MTUS2: variants seen among roughly 807,000 people sequenced by gnomAD.
MTUS2 encodes the protein microtubule-associated tumor suppressor candidate 2.
A neutral mutation model predicts 114.1 loss-of-function variants in MTUS2; 40 were observed. The observed-to-expected ratio is 0.35, with a 90% CI of 0.27 to 0.46. The LOEUF (loss-of-function observed/expected upper bound fraction) is 0.46. Among genes scored for constraint, MTUS2 ranks in the 20% least tolerant of loss-of-function variants. MTUS2 has a pLI of 1.00. For synonymous variants in MTUS2, 688 were observed against 672.0 expected, an observed-to-expected ratio of 1.02 and a Z score of -0.37; for missense variants, 1,679 against 1,705.4, an observed-to-expected ratio of 0.98 and a Z score of 0.27.
In MTUS2 at chr13:29,064,223, G is replaced by A. The variant is rs116923254; in HGVS notation, c.2446+30098G>A. ...GACTAAGTGAAACAGCGAGGTCCAT[G>A]CGGAAGGAACATGGCAGAGGCATGG... On this transcript the variant is annotated intron_variant, in intron 4 of 15. Transcript: ENST00000612955. 5.2e-3 allele frequency among the ~76,000 whole-genome samples: 799 copies of A among 152,256 alleles called. 3 individuals are homozygous for A. Among genetic ancestry groups the A allele is most frequent in the Non-Finnish European group, 9.3e-3 (635 of 68,026 alleles).
chr13:28,907,763 G>C (rs148559053), intron 2 of MTUS2, among the ~76,000 whole-genome samples: 1,561 of 151,722 alleles, frequency 0.01, 47 homozygotes, highest in Admixed American at 0.051. Flanking sequence ...CAAGTACTGA[G>C]TGACCTACAA....
chr13:29,062,967 G>C (rs7325000), intron 4 of MTUS2, among the ~76,000 whole-genome samples: 142,882 of 152,258 alleles, frequency 0.94, 67,357 homozygotes, highest in Non-Finnish European at 0.98. Context: ...TCGTAACCAT[G>C]CTTAAAACTT....
chr13:29,307,922 G>A (rs1292404571), intron 6 of MTUS2: 17 of 517,448 alleles, frequency 3.3e-5, no homozygotes, highest in South Asian at 2.2e-4. Flanking sequence ...AAGAGGGAGG[G>A]GCCTAGGGAG....
intron 5 of MTUS2, among the ~76,000 whole-genome samples, chr13:29,206,840 G>A (rs1895208038): frequency 6.6e-6 from 1 of 152,148 alleles, no homozygotes; most frequent in African/African-American, 2.4e-5. Context: ...GTCAGGTAAT[G>A]TGTTGCCTCC....
At chr13:28,959,452 G>C (rs955959032) in intron 2 of MTUS2, among the ~76,000 whole-genome samples, 2 of 152,188 alleles carry the variant, frequency 1.3e-5, no homozygotes, top group Non-Finnish European at 2.9e-5. Flanking sequence ...TTCTAGCCCT[G>C]TGTTAGTCTG....
intron 4 of MTUS2, among the ~76,000 whole-genome samples, chr13:29,096,859 C>T (rs146770379): frequency 6.6e-6 from 1 of 152,144 alleles, no homozygotes; most frequent in Non-Finnish European, 1.5e-5. Flanking sequence ...TGTTGAACTT[C>T]TAGCCTATGG....
At chr13:28,982,024 C>A (rs1490193599) in intron 2 of MTUS2, among the ~76,000 whole-genome samples, 1 of 152,170 alleles carries the variant, frequency 6.6e-6, no homozygotes, top group Non-Finnish European at 1.5e-5. Flanking sequence ...AGGATTCTTA[C>A]ATGGTGAATC....
chr13:28,981,280 A>T (rs1884348423), intron 2 of MTUS2, among the ~76,000 whole-genome samples: 1 of 152,256 alleles, frequency 6.6e-6, no homozygotes, highest in African/African-American at 2.4e-5. Context: ...AGATAAAATG[A>T]GAAAAAGGAA....
chr13:29,054,132 T>G (rs1172659187), intron 4 of MTUS2, among the ~76,000 whole-genome samples: 1 of 152,182 alleles, frequency 6.6e-6, no homozygotes, highest in Non-Finnish European at 1.5e-5. Flanking sequence ...CAATATCTCA[T>G]TTTAGTTTTA....
At chr13:29,334,324 G>A (rs1274626348) in intron 7 of MTUS2, among the ~76,000 whole-genome samples, 1 of 152,154 alleles carries the variant, frequency 6.6e-6, no homozygotes, top group Non-Finnish European at 1.5e-5. Context: ...AATTTGGTAT[G>A]TTTTTGCAGT....
intron 2 of MTUS2, among the ~76,000 whole-genome samples, chr13:28,850,279 C>A (rs1212080394): frequency 6.6e-6 from 1 of 152,226 alleles, no homozygotes; most frequent in African/African-American, 2.4e-5. Context: ...CAGATACATT[C>A]CCCTCTGTAT....
intron 5 of MTUS2, among the ~76,000 whole-genome samples, chr13:29,127,092 C>T (rs1891552419): frequency 6.6e-6 from 1 of 152,188 alleles, no homozygotes; most frequent in Non-Finnish European, 1.5e-5. Flanking sequence ...CTCCTGGCCC[C>T]AGCCATTGAG....
At chr13:28,826,271 A>G (rs1874263192) in intron 1 of MTUS2, among the ~76,000 whole-genome samples, 1 of 152,246 alleles carries the variant, frequency 6.6e-6, no homozygotes, top group Non-Finnish European at 1.5e-5. Flanking sequence ...AATTTAAAAT[A>G]CATGGTTAGA....
At chr13:29,443,422 C>A (rs1030068600) in intron 9 of MTUS2, among the ~76,000 whole-genome samples, 3 of 152,222 alleles carry the variant, frequency 2.0e-5, no homozygotes, top group African/African-American at 7.2e-5. Context: ...GCAGGCGCTA[C>A]ACAAGGATTA....
At chr13:29,502,667 C>A (rs1048111814) in intron 15 of MTUS2, among the ~76,000 whole-genome samples, 1 of 152,390 alleles carries the variant, frequency 6.6e-6, no homozygotes, top group Middle Eastern at 3.4e-3. Flanking sequence ...TCGGAGCTTC[C>A]GGGCAGCATA....
intron 2 of MTUS2, among the ~76,000 whole-genome samples, chr13:28,904,220 C>T (rs971608019): frequency 5.3e-5 from 8 of 152,278 alleles, no homozygotes; most frequent in African/African-American, 1.7e-4. Context: ...TGCCTGTTCA[C>T]TCTGATGGTA....
At chr13:29,369,742 G>A (rs1355843246) in intron 8 of MTUS2, among the ~76,000 whole-genome samples, 1 of 152,170 alleles carries the variant, frequency 6.6e-6, no homozygotes, top group Non-Finnish European at 1.5e-5. Flanking sequence ...ATCCAAAATA[G>A]TGAAACTCTA....
chr13:29,394,627 G>A (rs143054529), intron 8 of MTUS2, among the ~76,000 whole-genome samples: 133 of 152,320 alleles, frequency 8.7e-4, no homozygotes, highest in African/African-American at 2.9e-3. Context: ...AAGGGAAGGG[G>A]ATTCTCCCCA....
chr13:29,299,336 C>T (rs1190651415), intron 6 of MTUS2, among the ~76,000 whole-genome samples: 6 of 152,194 alleles, frequency 3.9e-5, no homozygotes, highest in South Asian at 4.2e-4. Flanking sequence ...GACTAAGGAT[C>T]GGTGAACATT....
Sources: gnomAD v4.1 joint callset for allele counts (sites outside exome capture counted in the v4.1 genomes callset) on GRCh38, gnomAD v4.1.1 for gene constraint, MANE v1.5 for transcripts, NCBI Gene and HGNC (gene_info 2026-07-23, HGNC 2026-07-21) for gene names.